Variants in ATP10B observed in about 807,000 individuals in gnomAD.
ATP10B encodes ATPase phospholipid transporting 10B (putative), also known as phospholipid-transporting ATPase VB.
ATP10B carries 122 observed loss-of-function variants against 141.2 expected under a neutral mutation model. The observed-to-expected ratio is 0.86, with a 90% CI of 0.75 to 1.00. ATP10B has a LOEUF of 1.00. Ranked by LOEUF, ATP10B falls within the 50% of genes least tolerant of loss-of-function variation. ATP10B has a pLI of 0.00. For synonymous variants in ATP10B, 685 were observed against 692.0 expected (o/e 0.99, Z 0.16); for missense variants, 1,876 against 1,825.3 (o/e 1.03, Z -0.51).
chr5:160,687,610 C>G (rs988815824), intron 5 of ATP10B, among the ~76,000 whole-genome samples, 190 bp downstream of exon 5: 11 of 152,006 alleles, frequency 7.2e-5, no homozygotes, highest in Non-Finnish European at 1.5e-4. Context: ...CATAAAAGTA[C>G]AAAAATTTGC....
chr5:160,907,219 T>C, the ATP10B span, among the ~76,000 whole-genome samples: 141 of 152,276 alleles, frequency 9.3e-4, 1 homozygote, highest in African/African-American at 3.2e-3. Flanking sequence ...CTGAAATCTT[T>C]CTAATAAATT....
intron 1 of ATP10B, among the ~76,000 whole-genome samples, chr5:160,797,948 G>GAAAAAAAAAAAAAAAAAAAAAAA (rs34913318): frequency 7.8e-6 from 1 of 127,542 alleles, no homozygotes; most frequent in Non-Finnish European, 1.7e-5. Context: ...AAGAAAAAAA[G>GAAAAAAAAAAAAAAAAAAAAAAA]AAAAAAAAAA....
At chr5:160,903,526 G>A in the ATP10B span, among the ~76,000 whole-genome samples, 1 of 152,110 alleles carries the variant, frequency 6.6e-6, no homozygotes, top group Non-Finnish European at 1.5e-5. Context: ...GCAATAACAC[G>A]AATCTGCTTT....
intron 6 of ATP10B, among the ~76,000 whole-genome samples, chr5:160,674,868 CAG>C (rs1260288007): frequency 6.6e-6 from 1 of 151,892 alleles, no homozygotes; most frequent in Non-Finnish European, 1.5e-5. Flanking sequence ...GTTATGGAAT[CAG>C]AGACACATTT....
chr5:160,697,608 G>T (rs1179260111), intron 3 of ATP10B, among the ~76,000 whole-genome samples: 1 of 152,056 alleles, frequency 6.6e-6, no homozygotes, highest in African/African-American at 2.4e-5. Context: ...GGGTGGGGTG[G>T]GGTGGGGATT....
At chr5:160,852,305 G>A (rs1006166637), upstream of ATP10B, 8 of 152,170 alleles carry the variant, frequency 5.3e-5, no homozygotes, top group Admixed American at 4.6e-4. Context: ...TGTTAGACAT[G>A]GTTCTTGCAT....
At chr5:160,900,315 A>G in the ATP10B span, among the ~76,000 whole-genome samples, 4 of 152,248 alleles carry the variant, frequency 2.6e-5, no homozygotes, top group South Asian at 6.2e-4. Flanking sequence ...ATTAATATTT[A>G]TTAAACACTG....
chr5:160,762,537 C>T (rs889483385), intron 2 of ATP10B, among the ~76,000 whole-genome samples: 1 of 152,040 alleles, frequency 6.6e-6, no homozygotes, highest in Non-Finnish European at 1.5e-5. Context: ...ACCAAGCCAG[C>T]ACTACAAGAA....
intron 1 of ATP10B, among the ~76,000 whole-genome samples, chr5:160,796,493 T>C (rs1012593376): frequency 2.0e-5 from 3 of 152,166 alleles, no homozygotes; most frequent in Non-Finnish European, 2.9e-5. Flanking sequence ...CCTTCAAAAA[T>C]AGTGCCTTCT....
At chr5:160,689,952 A>G (rs1763974498) in intron 3 of ATP10B, among the ~76,000 whole-genome samples, 1 of 152,028 alleles carries the variant, frequency 6.6e-6, no homozygotes, top group African/African-American at 2.4e-5. Flanking sequence ...CCTGACTTCA[A>G]ACTATACTAC....
intron 6 of ATP10B, among the ~76,000 whole-genome samples, chr5:160,676,947 G>A (rs1168657246): frequency 6.6e-6 from 1 of 152,138 alleles, no homozygotes; most frequent in Non-Finnish European, 1.5e-5. Context: ...GATGGTGGTG[G>A]GAGTGACATG....
intron 7 of ATP10B, among the ~76,000 whole-genome samples, chr5:160,668,769 T>C (rs1178670753): frequency 6.6e-6 from 1 of 152,176 alleles, no homozygotes; most frequent in Non-Finnish European, 1.5e-5. Flanking sequence ...TGTTCTTTAC[T>C]TTCCTTATAC....
At chr5:160,573,737 A>C (rs1755018316) in intron 24 of ATP10B, among the ~76,000 whole-genome samples, 1 of 152,138 alleles carries the variant, frequency 6.6e-6, no homozygotes, top group Non-Finnish European at 1.5e-5. Context: ...TCTATGGAAA[A>C]ATTGTCTTCT....
the ATP10B span, among the ~76,000 whole-genome samples, chr5:160,894,567 C>T: frequency 2.0e-4 from 31 of 152,132 alleles, no homozygotes; most frequent in Non-Finnish European, 4.4e-4. Flanking sequence ...AAAGACCAAA[C>T]CTATGTTTGA....
intron 2 of ATP10B, among the ~76,000 whole-genome samples, chr5:160,775,742 G>A (rs923152582): frequency 5.4e-5 from 8 of 148,644 alleles, no homozygotes; most frequent in South Asian, 2.2e-4. Flanking sequence ...GTGCAGTGGC[G>A]CGATCTCGGC....
chr5:160,877,041 C>A, the ATP10B span, among the ~76,000 whole-genome samples: 1 of 152,038 alleles, frequency 6.6e-6, no homozygotes, highest in African/African-American at 2.4e-5. Context: ...TTTTATGAGG[C>A]CAGCATCATT....
the ATP10B span, among the ~76,000 whole-genome samples, chr5:160,886,788 C>G: frequency 6.6e-6 from 1 of 152,142 alleles, no homozygotes; most frequent in African/African-American, 2.4e-5. Context: ...TAATTTCATT[C>G]CAGGCAACAA....
At chr5:160,640,944 G>C (rs921617671) in intron 9 of ATP10B, among the ~76,000 whole-genome samples, 2 of 152,174 alleles carry the variant, frequency 1.3e-5, no homozygotes, top group African/African-American at 4.8e-5. Flanking sequence ...ATAGTAAGCT[G>C]TCTTAAAGAA....
chr5:160,611,477 T>C (rs912479782), intron 18 of ATP10B, among the ~76,000 whole-genome samples: 1 of 152,156 alleles, frequency 6.6e-6, no homozygotes, highest in Non-Finnish European at 1.5e-5. Context: ...CTAAGCATAA[T>C]ATTAAAGCCC....
Sources: gnomAD v4.1 joint callset for allele counts (sites outside exome capture counted in the v4.1 genomes callset) on GRCh38, gnomAD v4.1.1 for gene constraint, MANE v1.5 for transcripts, NCBI Gene and HGNC (gene_info 2026-07-23, HGNC 2026-07-21) for gene names.